The following SFPQ variants were observed in gnomAD, a reference collection of about 807,000 sequenced individuals.
SFPQ encodes splicing factor proline and glutamine rich.
SFPQ carries 11 observed loss-of-function variants against 72.9 expected under a neutral mutation model. That is an observed-to-expected ratio of 0.15 (90% CI 0.09 to 0.25). SFPQ has a LOEUF of 0.25. Ranked by LOEUF, SFPQ falls within the 10% of genes least tolerant of loss-of-function variation. SFPQ has a pLI of 1.00. For missense variants in SFPQ, 847 were observed against 993.3 expected (o/e 0.85, Z 1.98); for synonymous variants, 506 against 367.3 (o/e 1.38, Z -4.32).
Position 35,189,255 on chromosome 1 carries a change from C to T in SFPQ, c.1543G>A (p.Ala515Thr), listed in dbSNP as rs768329893. 6.2e-7 allele frequency: 1 copy of T among 1,613,480 alleles called. No individual in the cohort carries two copies. Among genetic ancestry groups the T allele is most frequent in the South Asian group, 1.1e-5 (1 of 91,074 alleles). Residue 515 changes from alanine to threonine, a missense_variant, in exon 5 of 10, where the codon GCA becomes ACA. Ala to Thr is a moderately conservative substitution (Grantham distance 58, BLOSUM62 0). This residue lies in a region of SFPQ where 132 missense variants were observed against 255.4 expected (regional missense o/e 0.52). Coordinates refer to ENST00000357214, the MANE Select transcript of SFPQ (RefSeq NM_005066.3). Reference protein sequence around the residue: ...REQVEKNMKDAKDKLESEMED... With the variant: ...REQVEKNMKDTKDKLESEMED... ...ATTTCACTTTCCAATTTGTCTTTTG[C>T]ATCTTTCATGTTTTTTTCAACTTGT...
chr1:35,184,526 G>C lies in SFPQ; in HGVS notation c.2054C>G (p.Pro685Arg). ...VGGQGPRGMG[P>R]GTPAGYGRGR... ...TCTACCATATCCTGCTGGAGTTCCA[G>C]GCCCCATTCCTCTAGGACCCTGTCC... The change falls in exon 10 of 10, where the codon CCT becomes CGT. Residue 685 changes from proline to arginine, a missense_variant. Coordinates refer to ENST00000357214, the MANE Select transcript of SFPQ (RefSeq NM_005066.3). The C allele has an allele frequency of 6.2e-7, 1 of 1,613,314 alleles. No individual in the cohort carries two copies. The highest frequency in any genetic ancestry group is 8.5e-7 in the Non-Finnish European group (1 of 1,179,692).
intron 4 of SFPQ, chr1:35,177,467 C>T (rs961061595): frequency 2.0e-5 from 3 of 152,232 alleles, no homozygotes; most frequent in African/African-American, 7.2e-5. Context: ...TCCCTCCCAC[C>T]TCAGCCTCCA....
At chr1:35,189,939 G>A (rs373054460) in intron 4 of SFPQ, among the ~76,000 whole-genome samples, 52 of 151,356 alleles carry the variant, frequency 3.4e-4, no homozygotes, top group African/African-American at 1.1e-3. Flanking sequence ...AAACAACAGC[G>A]AAACTCCAGC....
At chr1:35,191,280 T>C (rs1639983893) in intron 2 of SFPQ, 61 bp downstream of exon 2, 15 of 1,381,584 alleles carry the variant, frequency 1.1e-5, no homozygotes, top group Admixed American at 3.7e-5. Flanking sequence ...TCAGCGTTTG[T>C]AGTGACAAAA....
chr1:35,191,633 C>T, intron 1 of SFPQ, 104 bp from the exon 2 acceptor site: 1 of 842,048 alleles, frequency 1.2e-6, no homozygotes. Context: ...CCTTTCTGTT[C>T]CGTTTGGTCA....
chr1:35,184,686 C>A, intron 9 of SFPQ, 93 bp from the exon 10 acceptor site: 1 of 1,414,880 alleles, frequency 7.1e-7, no homozygotes, highest in South Asian at 1.8e-5. Flanking sequence ...CAACGTTCGT[C>A]GATACAATCA....
rs557016827 is a variant in SFPQ at position 35,190,708 on chromosome 1, A to G, written c.1305T>C (p.Val435=). ...AGACAACTTACGTCGTCAGTAAGAA[A>G]ACACCTTCACTGCATCGTTCAAATG... The part of the protein sequence containing the change: ...RKAFERCSEG[V]FLLTTTPRPV... The change falls in exon 3 of 10, where the codon GTT becomes GTC. Residue 435 remains valine, a synonymous_variant. Transcript: ENST00000357214. The G allele has an allele frequency of 6.2e-7, 1 of 1,613,680 alleles. No homozygotes were observed. The highest frequency in any genetic ancestry group is 8.5e-7 in the Non-Finnish European group (1 of 1,179,756).
rs754936777 is a variant in SFPQ at position 35,190,837 on chromosome 1, G to A, written c.1176C>T (p.Ser392=). The A allele has an allele frequency of 6.2e-7, 1 of 1,614,128 alleles. No individual in the cohort carries two copies. The highest frequency in any genetic ancestry group is 2.2e-5 in the East Asian group (1 of 44,880). Residue 392 remains serine, a synonymous_variant, in exon 3 of 10, where the codon AGC becomes AGT. Transcript: ENST00000357214. ...CAGCCCTTTCAATAGGACCAAATTGGCTAAAGGCTTCTTCCAACAGTTCAT... is the reference window on the plus strand; with the variant it reads ...CAGCCCTTTCAATAGGACCAAATTGACTAAAGGCTTCTTCCAACAGTTCAT... ...VSNELLEEAF[S]QFGPIERAVV... is the part of the protein sequence containing the mutation.
At chr1:35,179,662 T>C (rs1185057635), downstream of SFPQ, 5 of 1,055,760 alleles carry the variant, frequency 4.7e-6, no homozygotes, top group East Asian at 1.6e-4. Flanking sequence ...AAGTTTCTCA[T>C]TCTAAAGTGC....
At chr1:35,191,555 A>G in intron 1 of SFPQ, 26 bp from the exon 2 acceptor site, 1 of 1,574,554 alleles carries the variant, frequency 6.4e-7, no homozygotes, top group Non-Finnish European at 8.7e-7. Context: ...AGAAGTTTTC[A>G]AACACCAGAG....
At chr1:35,182,212 G>A, downstream of SFPQ, 1 of 985,252 alleles carries the variant, frequency 1.0e-6, no homozygotes. Flanking sequence ...GGTGTCCCAT[G>A]GAACACCCCT....
downstream of SFPQ, chr1:35,181,356 G>T (rs963159663): frequency 2.1e-5 from 22 of 1,065,010 alleles, no homozygotes; most frequent in South Asian, 4.5e-5. Flanking sequence ...CCCAAGAAAA[G>T]CCAAGTATCT....
chr1:35,190,592 T>C lies in SFPQ; in HGVS notation c.1321A>G (p.Thr441Ala). 6.2e-7 allele frequency: 1 copy of C among 1,611,950 alleles called. No individual in the cohort carries two copies. Among genetic ancestry groups the C allele is most frequent in the Non-Finnish European group, 8.5e-7 (1 of 1,178,986 alleles). The change falls in exon 4 of 10, where the codon ACT becomes GCT. Residue 441 changes from threonine (T) to alanine (A), a missense_variant and splice_region_variant. By Grantham distance (58) the Thr-to-Ala change is moderately conservative. Around this residue, in one of 6 missense-constraint regions of SFPQ, gnomAD observed 132 missense variants for 255.4 expected, o/e 0.52. Transcript: ENST00000357214. Reference sequence around the variant, plus strand: ...GGTTCCACAATGACTGGACGAGGAGTTCTAATAACAAAAATGGTTCCATCT... The same window carrying C: ...GGTTCCACAATGACTGGACGAGGAGCTCTAATAACAAAAATGGTTCCATCT... ...CSEGVFLLTT[T>A]PRPVIVEPLE...
chr1:35,183,067 T>C lies in SFPQ; in HGVS notation c.*1389A>G. On this transcript the variant is annotated 3_prime_UTR_variant, in exon 10 of 10. Coordinates refer to ENST00000357214, the MANE Select transcript of SFPQ (RefSeq NM_005066.3). The stretch of plus-strand genomic sequence containing the variant: ...GTTAAATTTACAATAAGAATGATTA[T>C]CTGCAACCCTATTTGTTAACAATCA... The C allele has an allele frequency of 3.9e-6, 4 of 1,032,582 alleles. No homozygotes were observed. Among genetic ancestry groups the C allele is most frequent in the Non-Finnish European group, 4.7e-6 (4 of 858,696 alleles). The allele number at this position is 1,032,582 out of a possible 1,614,324, so 64.0% of individuals were successfully genotyped here.
At chr1:35,180,144 T>C, downstream of SFPQ, 2 of 1,049,300 alleles carry the variant, frequency 1.9e-6, no homozygotes, top group Non-Finnish European at 2.3e-6. Flanking sequence ...TCATGAAGTT[T>C]TCATCAGCAT....
chr1:35,184,962 C>T (rs563742812), intron 9 of SFPQ, among the ~76,000 whole-genome samples: 4 of 152,290 alleles, frequency 2.6e-5, no homozygotes, highest in South Asian at 2.1e-4. Flanking sequence ...AACGTCTGAA[C>T]GGAAATTTAA....
chr1:35,188,532 A>C (rs544559268), intron 6 of SFPQ, among the ~76,000 whole-genome samples: 3 of 152,344 alleles, frequency 2.0e-5, no homozygotes, highest in African/African-American at 7.2e-5. Context: ...AAATTAAAAA[A>C]TTAGCTGGGG....
chr1:35,182,143 A>G (rs943324610), downstream of SFPQ: 1 of 985,310 alleles, frequency 1.0e-6, no homozygotes, highest in Non-Finnish European at 1.2e-6. Flanking sequence ...TTTTATAGGC[A>G]GATTTTCCCA....
intron 2 of SFPQ, 127 bp from the exon 3 acceptor site, chr1:35,191,122 AC>A: frequency 2.3e-6 from 2 of 867,784 alleles, no homozygotes; most frequent in Non-Finnish European, 3.5e-6. Context: ...TTTAGGCAGC[AC>A]CCACTAACAC....
Sources: allele counts gnomAD v4.1 joint callset (sites outside exome capture counted in the v4.1 genomes callset), GRCh38; gene constraint gnomAD v4.1.1; regional missense constraint gnomAD v4.1.1; transcripts MANE v1.5; gene names NCBI Gene and HGNC (gene_info 2026-07-23, HGNC 2026-07-21).